Variants in DOCK5 observed in about 807,000 individuals in gnomAD.
The protein encoded by DOCK5 is dedicator of cytokinesis 5.
Under a neutral mutation model 251.8 loss-of-function variants are expected in DOCK5, and 142 were observed. The ratio of observed to expected loss-of-function variants is 0.56; its 90% CI spans 0.49 to 0.65. The LOEUF (loss-of-function observed/expected upper bound fraction) is 0.65. Ranked by LOEUF, DOCK5 falls within the 30% of genes least tolerant of loss-of-function variation. The probability of loss-of-function intolerance (pLI) is 0.00; values close to 1 mark genes in which losing one functional copy is unlikely to be tolerated. For synonymous variants in DOCK5, 842 were observed against 835.5 expected (o/e 1.01, Z -0.13); for missense variants, 2,111 against 2,312.3 (o/e 0.91, Z 1.79).
intron 2 of DOCK5, among the ~76,000 whole-genome samples, chr8:25,264,028 GGC>G (rs1803664869): frequency 6.6e-6 from 1 of 151,490 alleles, no homozygotes; most frequent in Non-Finnish European, 1.5e-5. Flanking sequence ...CCCCATTCAT[GGC>G]CACCCCCAGC....
chr8:25,281,913 C>T lies in DOCK5; in HGVS notation c.321+3248C>T, dbSNP rs905821842. Among the ~76,000 whole-genome samples, 5 of 151,390 alleles carry T rather than the reference C, an allele frequency of 3.3e-5. No individual in the cohort carries two copies. The South Asian group carries it at 1.0e-3, about 32-fold the overall frequency. On this transcript the variant is annotated intron_variant, in intron 5 of 51. Coordinates refer to ENST00000276440, the MANE Select transcript of DOCK5 (RefSeq NM_024940.8). ...AGAAAAAAAAAAAAAAAAAAGCCAT[C>T]CCCTCTTCGAGGGCAGCACATTTCT...
chr8:25,188,036 T>C (rs1739272580), intron 1 of DOCK5, among the ~76,000 whole-genome samples: 2 of 152,228 alleles, frequency 1.3e-5, no homozygotes, highest in African/African-American at 4.8e-5. Flanking sequence ...TACCAGGTAT[T>C]AGTGCATTCA....
intron 1 of DOCK5, among the ~76,000 whole-genome samples, chr8:25,197,565 G>GTGAA (rs1474755411): frequency 4.4e-5 from 1 of 22,782 alleles, no homozygotes; most frequent in African/African-American, 6.7e-5. Context: ...TTTAAGGATC[G>GTGAA]TGTCTTTGTC....
intron 1 of DOCK5, among the ~76,000 whole-genome samples, chr8:25,234,956 G>C (rs1802757828): frequency 1.3e-5 from 2 of 152,108 alleles, no homozygotes; most frequent in South Asian, 4.1e-4. Flanking sequence ...TATTGATGAG[G>C]GGTTAGTGTC....
At chr8:25,272,631 C>T (rs1055788839) in intron 3 of DOCK5, among the ~76,000 whole-genome samples, 36 of 152,096 alleles carry the variant, frequency 2.4e-4, no homozygotes, top group African/African-American at 7.2e-4. Context: ...ACAGTTTATC[C>T]GTGCCCAGCG....
chr8:25,230,494 A>G (rs1371120948), intron 1 of DOCK5, among the ~76,000 whole-genome samples: 1 of 152,302 alleles, frequency 6.6e-6, no homozygotes, highest in Non-Finnish European at 1.5e-5. Flanking sequence ...TCTCCTGCAT[A>G]CATATATAAA....
chr8:25,387,679 T>C (rs1291870572), intron 40 of DOCK5, among the ~76,000 whole-genome samples: 1 of 152,258 alleles, frequency 6.6e-6, no homozygotes, highest in Non-Finnish European at 1.5e-5. Context: ...ATTCATTTTC[T>C]GGCTCATTCT....
At chr8:25,246,695 C>T (rs898279496) in intron 2 of DOCK5, among the ~76,000 whole-genome samples, 4 of 128,464 alleles carry the variant, frequency 3.1e-5, no homozygotes, top group African/African-American at 6.6e-5. Context: ...TCTTCACTGC[C>T]ATGTTAGTTT....
rs758106818 is a variant in DOCK5 at position 25,300,667 on chromosome 8, C to G, written c.846+10C>G. 6.2e-7 allele frequency: 1 copy of G among 1,606,926 alleles called. No individual in the cohort carries two copies. Among genetic ancestry groups the G allele is most frequent in the East Asian group, 2.2e-5 (1 of 44,728 alleles). ...CCAAGCAGTGTTTACAGTAAGTCCT[C>G]CCTTCTGTTTAATCATTCTCTTTGT... On this transcript the variant is annotated intron_variant, in intron 9 of 51. Coordinates refer to ENST00000276440, the MANE Select transcript of DOCK5 (RefSeq NM_024940.8).
intron 2 of DOCK5, among the ~76,000 whole-genome samples, chr8:25,252,383 C>A (rs1586266593): frequency 1.3e-5 from 2 of 152,082 alleles, no homozygotes; most frequent in East Asian, 3.8e-4. Flanking sequence ...CTTTTGTTAC[C>A]CGCTAATTAA....
At chr8:25,350,071 A>T (rs377183626) in intron 26 of DOCK5, among the ~76,000 whole-genome samples, 1 of 152,214 alleles carries the variant, frequency 6.6e-6, no homozygotes, top group Non-Finnish European at 1.5e-5. Context: ...AGTGTCGGTT[A>T]TAGGATGAGC....
At chr8:25,345,687 C>A in intron 26 of DOCK5, 76 bp downstream of exon 26, 1 of 1,563,184 alleles carries the variant, frequency 6.4e-7, no homozygotes. Context: ...ACTCCGTGGC[C>A]TTCCTATTCT....
chr8:25,375,405 C>CTT (rs149647883), intron 37 of DOCK5: 1,996 of 148,956 alleles, frequency 0.013, 22 homozygotes, highest in Non-Finnish European at 0.019. Context: ...CTTTTTCTTT[C>CTT]TTTATTTTTT....
chr8:25,307,279 C>A (rs565229289), intron 11 of DOCK5, among the ~76,000 whole-genome samples: 1 of 152,148 alleles, frequency 6.6e-6, no homozygotes, highest in African/African-American at 2.4e-5. Flanking sequence ...CCATTACACC[C>A]AGCTAATTTT....
chr8:25,365,187 T>C (rs1251504807), intron 30 of DOCK5, among the ~76,000 whole-genome samples: 3 of 152,226 alleles, frequency 2.0e-5, no homozygotes, highest in South Asian at 2.1e-4. Context: ...CATTTACTTA[T>C]CCATTCATCC....
At chr8:25,246,114 G>T (rs976172245) in intron 2 of DOCK5, among the ~76,000 whole-genome samples, 4 of 151,972 alleles carry the variant, frequency 2.6e-5, no homozygotes, top group Admixed American at 2.6e-4. Context: ...GTCTTACTCT[G>T]TAGTAACATG....
chr8:25,300,774 C>A, intron 9 of DOCK5, 117 bp downstream of exon 9: 1 of 1,117,268 alleles, frequency 9.0e-7, no homozygotes, highest in Non-Finnish European at 1.3e-6. Context: ...ATCAATCTGC[C>A]TAGCAGGAAT....
chr8:25,329,534 C>T (rs995050497), intron 18 of DOCK5, among the ~76,000 whole-genome samples: 2 of 152,108 alleles, frequency 1.3e-5, no homozygotes, highest in African/African-American at 4.8e-5. Context: ...CTCAGCATTA[C>T]TGAAGATTTG....
intron 40 of DOCK5, among the ~76,000 whole-genome samples, chr8:25,384,458 TATTTA>T (rs1801126516): frequency 7.7e-5 from 3 of 38,858 alleles, no homozygotes; most frequent in East Asian, 8.1e-4. Flanking sequence ...TTTATTTATT[TATTTA>T]TTTTTTTTTT....
Sources: gnomAD v4.1 joint callset for allele counts (sites outside exome capture counted in the v4.1 genomes callset) on GRCh38, gnomAD v4.1.1 for gene constraint, MANE v1.5 for transcripts, NCBI Gene and HGNC (gene_info 2026-07-23, HGNC 2026-07-21) for gene names.